The following ZNF804B variants were observed in gnomAD, a reference collection of about 807,000 sequenced individuals.
The protein encoded by ZNF804B is zinc finger protein 804B.
ZNF804B carries 80 observed loss-of-function variants against 101.4 expected under a neutral mutation model. The observed-to-expected ratio is 0.79, with a 90% confidence interval of 0.66 to 0.95. The LOEUF is 0.95. ZNF804B is among the 40% of genes least tolerant of loss of function. The pLI is 0.00. For synonymous variants in ZNF804B, 622 were observed against 558.8 expected (o/e 1.11, Z -1.59); for missense variants, 1,673 against 1,561.9 (o/e 1.07, Z -1.20).
chr7:88,797,131 T>A (rs1003867189), intron 1 of ZNF804B, among the ~76,000 whole-genome samples: 16 of 152,264 alleles, frequency 1.1e-4, no homozygotes, highest in Admixed American at 9.2e-4. Flanking sequence ...TAACATGTTT[T>A]TTCCTCTCAG....
chr7:89,221,151 A>G (rs1375160139), intron 2 of ZNF804B, among the ~76,000 whole-genome samples: 3 of 151,968 alleles, frequency 2.0e-5, no homozygotes, highest in African/African-American at 7.2e-5. Flanking sequence ...TTTTCTCACT[A>G]ATGATTTCGT....
intron 1 of ZNF804B, among the ~76,000 whole-genome samples, chr7:89,013,246 A>G (rs1255896521): frequency 6.6e-6 from 1 of 152,184 alleles, no homozygotes; most frequent in Non-Finnish European, 1.5e-5. Flanking sequence ...GAGAAAGGTA[A>G]TTTTAAATAA....
intron 1 of ZNF804B, among the ~76,000 whole-genome samples, chr7:88,792,593 C>T (rs1055380316): frequency 6.6e-6 from 1 of 152,016 alleles, no homozygotes; most frequent in African/African-American, 2.4e-5. Context: ...TATTTACTTA[C>T]GTTTCCAGTC....
chr7:88,947,577 G>A (rs1793155631), intron 1 of ZNF804B, among the ~76,000 whole-genome samples: 1 of 151,680 alleles, frequency 6.6e-6, no homozygotes. Flanking sequence ...GTAGATGACA[G>A]GTTGATGGGT....
chr7:88,829,445 G>A (rs1401216329), intron 1 of ZNF804B, among the ~76,000 whole-genome samples: 1 of 152,004 alleles, frequency 6.6e-6, no homozygotes, highest in Non-Finnish European at 1.5e-5. Context: ...AAAGCTCAAA[G>A]AAGACAGTTG....
intron 1 of ZNF804B, among the ~76,000 whole-genome samples, chr7:88,761,874 G>A (rs1789902747): frequency 6.6e-6 from 1 of 152,232 alleles, no homozygotes; most frequent in South Asian, 2.1e-4. Flanking sequence ...TGGTCAAAAA[G>A]TGTCCTTTCT....
intron 2 of ZNF804B, among the ~76,000 whole-genome samples, chr7:89,324,803 A>G (rs1191283867): frequency 6.6e-6 from 1 of 151,552 alleles, no homozygotes; most frequent in Non-Finnish European, 1.5e-5. Context: ...GATACAAAAT[A>G]TTAATTTTTC....
At chr7:89,190,936 G>A (rs923306753) in intron 1 of ZNF804B, among the ~76,000 whole-genome samples, 4 of 152,070 alleles carry the variant, frequency 2.6e-5, no homozygotes, top group Non-Finnish European at 4.4e-5. Flanking sequence ...ATAGACTATA[G>A]GATACTGTAA....
At chr7:89,286,009 G>T (rs1028329889) in intron 2 of ZNF804B, among the ~76,000 whole-genome samples, 11 of 152,236 alleles carry the variant, frequency 7.2e-5, no homozygotes, top group African/African-American at 2.6e-4. Context: ...CACTTTTTCT[G>T]GATTGGTTCA....
chr7:89,200,124 A>G (rs750250190), intron 1 of ZNF804B, among the ~76,000 whole-genome samples: 2 of 151,802 alleles, frequency 1.3e-5, no homozygotes, highest in Admixed American at 6.6e-5. Context: ...ATAGAGGTTA[A>G]GTGATGCACT....
intron 1 of ZNF804B, among the ~76,000 whole-genome samples, chr7:88,840,406 A>G (rs1791277842): frequency 6.6e-6 from 1 of 152,222 alleles, no homozygotes; most frequent in Non-Finnish European, 1.5e-5. Context: ...TTGGAAGAGT[A>G]ACAATATCTA....
intron 1 of ZNF804B, among the ~76,000 whole-genome samples, chr7:89,083,716 C>T (rs985471123): frequency 2.6e-5 from 4 of 151,634 alleles, no homozygotes; most frequent in African/African-American, 9.7e-5. Context: ...CATATTGAGA[C>T]CGTTAAACTT....
chr7:89,325,980 G>A (rs924853490), intron 2 of ZNF804B, among the ~76,000 whole-genome samples: 3 of 151,872 alleles, frequency 2.0e-5, no homozygotes, highest in South Asian at 2.1e-4. Flanking sequence ...AGCAGGGTAC[G>A]TAGCAATAAG....
intron 1 of ZNF804B, among the ~76,000 whole-genome samples, chr7:89,151,532 T>C (rs960031160): frequency 1.3e-5 from 2 of 152,128 alleles, no homozygotes; most frequent in African/African-American, 4.8e-5. Flanking sequence ...AGAGAGACCA[T>C]GGATGTTGTC....
At chr7:88,900,168 T>A (rs1792367384) in intron 1 of ZNF804B, among the ~76,000 whole-genome samples, 1 of 152,158 alleles carries the variant, frequency 6.6e-6, no homozygotes, top group Non-Finnish European at 1.5e-5. Context: ...TATACAGATT[T>A]AGAATTTTGT....
In ZNF804B at chr7:89,335,677, C is replaced by T; in HGVS notation, c.2695C>T (p.Leu899Phe). 1 of 1,614,004 alleles carries T rather than the reference C, an allele frequency of 6.2e-7. No individual in the cohort carries two copies. The highest frequency in any genetic ancestry group is 8.5e-7 in the Non-Finnish European group (1 of 1,179,968). The part of the protein sequence containing the change: ...MKCNSGNISC[L>F]LKNCSSGPSE... ...GTGTAACTCCGGGAATATCAGCTGC[C>T]TTCTAAAGAACTGTTCCAGTGGCCC... Residue 899 changes from leucine (L) to phenylalanine (F), a missense_variant, in exon 4 of 4, where the codon CTT becomes TTT. By Grantham distance (22) the Leu-to-Phe change is conservative. Transcript: ENST00000333190.
chr7:88,993,335 A>G (rs1035366363), intron 1 of ZNF804B, among the ~76,000 whole-genome samples: 1 of 152,052 alleles, frequency 6.6e-6, no homozygotes, highest in Admixed American at 6.6e-5. Context: ...TTTAAGCCAG[A>G]TTATGTTGAC....
intron 1 of ZNF804B, among the ~76,000 whole-genome samples, chr7:88,938,603 A>G (rs1793007950): frequency 6.6e-6 from 1 of 152,056 alleles, no homozygotes; most frequent in African/African-American, 2.4e-5. Flanking sequence ...CTCTTTAGAT[A>G]GGAATTTGGG....
At chr7:89,205,320 A>G (rs1788699501) in intron 1 of ZNF804B, among the ~76,000 whole-genome samples, 1 of 152,134 alleles carries the variant, frequency 6.6e-6, no homozygotes, top group South Asian at 2.1e-4. Context: ...AAAACCAATT[A>G]TGCCTTCCAC....
Sources: allele counts gnomAD v4.1 joint callset (sites outside exome capture counted in the v4.1 genomes callset), GRCh38; gene constraint gnomAD v4.1.1; transcripts MANE v1.5; gene names NCBI Gene and HGNC (gene_info 2026-07-23, HGNC 2026-07-21).